The following CDK13 variants were observed in gnomAD, a reference collection of about 807,000 sequenced individuals.
The protein encoded by CDK13 is cyclin dependent kinase 13, also known as cyclin-dependent kinase 13.
A neutral mutation model predicts 137.6 loss-of-function variants in CDK13; 40 were observed. That is an observed-to-expected ratio of 0.29 (90% CI 0.23 to 0.38). The LOEUF is 0.38. Ranked by LOEUF, CDK13 falls within the 10% of genes least tolerant of loss-of-function variation. The pLI, the probability that CDK13 is intolerant of heterozygous loss-of-function variation, is 1.00. For missense variants in CDK13, 1,704 were observed against 1,951.8 expected (o/e 0.87, Z 2.39); for synonymous variants, 869 against 760.1 (o/e 1.14, Z -2.36).
chr7:39,978,475 A>T (rs1028419849), intron 1 of CDK13, among the ~76,000 whole-genome samples: 1 of 152,230 alleles, frequency 6.6e-6, no homozygotes, highest in African/African-American at 2.4e-5. Context: ...TTTGGCCGTA[A>T]CTGGAAGGAC....
intron 5 of CDK13, among the ~76,000 whole-genome samples, chr7:40,041,333 C>A (rs1051609964): frequency 7.9e-5 from 12 of 152,004 alleles, no homozygotes; most frequent in Non-Finnish European, 1.6e-4. Flanking sequence ...CTCAAAAAAA[C>A]CAACTAAACA....
chr7:39,999,477 A>G lies in CDK13; in HGVS notation c.2159A>G (p.Tyr720Cys). Residue 720 changes from tyrosine (Y) to cysteine (C), a missense_variant, in exon 4 of 14, where the codon TAC becomes TGC. Tyr to Cys is a radical substitution (Grantham distance 194). This residue lies in a region of CDK13 where 130 missense variants were observed against 362.4 expected (regional missense o/e 0.36). Coordinates refer to ENST00000181839, the MANE Select transcript of CDK13 (RefSeq NM_003718.5). ...IIGEGTYGQV[Y>C]KARDKDTGEM... ...GGAGAAGGTACTTACGGACAAGTTT[A>G]CAAAGCCAGGGATAAAGACACTGGT... The G allele has an allele frequency of 6.2e-7, 1 of 1,611,206 alleles. No homozygotes were observed. Among genetic ancestry groups the G allele is most frequent in the Non-Finnish European group, 8.5e-7 (1 of 1,178,342 alleles).
chr7:40,020,957 A>G (rs1169607810), intron 5 of CDK13, among the ~76,000 whole-genome samples: 1 of 151,958 alleles, frequency 6.6e-6, no homozygotes, highest in Non-Finnish European at 1.5e-5. Context: ...AGGGCGTGGT[A>G]GTGGGTGCCT....
intron 9 of CDK13, among the ~76,000 whole-genome samples, chr7:40,064,158 C>T (rs1453672471): frequency 2.6e-5 from 4 of 151,772 alleles, no homozygotes; most frequent in Non-Finnish European, 5.9e-5. Flanking sequence ...GTGGCCCACG[C>T]CTATAATCCC....
intron 2 of CDK13, among the ~76,000 whole-genome samples, chr7:39,992,163 G>GGGTGTGTGT (rs550297232): frequency 6.8e-6 from 1 of 146,310 alleles, no homozygotes; most frequent in South Asian, 2.2e-4. Flanking sequence ...AACTAATGAG[G>GGGTGTGTGT]GTGTGTGTGT....
chr7:40,017,543 A>G (rs1179321240), intron 5 of CDK13, among the ~76,000 whole-genome samples: 1 of 151,922 alleles, frequency 6.6e-6, no homozygotes, highest in African/African-American at 2.4e-5. Context: ...TTTTTTCCAT[A>G]ATTTTTGCCA....
At chr7:40,081,186 G>A (rs1036734905) in intron 11 of CDK13, among the ~76,000 whole-genome samples, 6 of 152,076 alleles carry the variant, frequency 3.9e-5, no homozygotes, top group Non-Finnish European at 8.8e-5. Context: ...ATCAGAATTA[G>A]ATTAAGAGTT....
At chr7:40,013,910 T>A (rs1023083327) in intron 5 of CDK13, among the ~76,000 whole-genome samples, 3 of 152,236 alleles carry the variant, frequency 2.0e-5, no homozygotes, top group African/African-American at 7.2e-5. Context: ...GTAAAGGTGC[T>A]AGACGTTTGA....
chr7:40,044,433 T>G (rs753921558), intron 5 of CDK13, among the ~76,000 whole-genome samples: 56 of 151,480 alleles, frequency 3.7e-4, no homozygotes, highest in Non-Finnish European at 6.0e-4. Context: ...ATCCTCCTAC[T>G]TCAGTCCCCC....
chr7:39,951,776 G>A lies in CDK13; in HGVS notation c.1135G>A (p.Gly379Ser). The change falls in exon 1 of 14, where the codon GGC becomes AGC. Residue 379 changes from glycine to serine, a missense_variant. Transcript: ENST00000181839. ...SYSRHSSYER[G>S]GDVSPSPYSS... ...CAGCCGCCACAGCTCCTACGAGCGG[G>A]GCGGCGACGTGTCCCCTAGTCCCTA... 6.8e-7 allele frequency: 1 copy of A among 1,478,420 alleles called. No individual in the cohort carries two copies. The highest frequency in any genetic ancestry group is 8.9e-7 in the Non-Finnish European group (1 of 1,127,074). 91.6% of individuals were successfully genotyped at this position (1,478,420 alleles called of 1,614,324 possible). A position where few individuals can be genotyped will look rare whatever the true frequency, so the allele number is the denominator to read the frequency against.
intron 9 of CDK13, among the ~76,000 whole-genome samples, chr7:40,068,857 C>G (rs961506858): frequency 2.0e-4 from 31 of 152,096 alleles, no homozygotes; most frequent in African/African-American, 7.5e-4. Context: ...CATGGACTTT[C>G]AAGAAGACTA....
chr7:40,022,382 T>G (rs984556282), intron 5 of CDK13, among the ~76,000 whole-genome samples: 13 of 152,242 alleles, frequency 8.5e-5, no homozygotes, highest in Admixed American at 5.9e-4. Context: ...TATAGGTTCC[T>G]TCTCTTCCAA....
In CDK13 at chr7:39,966,526, G is replaced by C. The variant is rs548661726; in HGVS notation, c.1211+14674G>C. 1.9e-4 allele frequency among the ~76,000 whole-genome samples: 29 copies of C among 152,082 alleles called. No homozygotes were observed. The South Asian group carries it at 6.0e-3, about 32-fold the overall frequency. ...GCCATTCATCTAATTTTTTTTCAAG[G>C]TTTTTAACTTCTTTGCCATGGGTTC... is the stretch of plus-strand genomic sequence containing the variant. On this transcript the variant is annotated intron_variant, in intron 1 of 13. Coordinates refer to ENST00000181839, the MANE Select transcript of CDK13 (RefSeq NM_003718.5).
intron 5 of CDK13, among the ~76,000 whole-genome samples, chr7:40,020,820 C>T (rs545526975): frequency 1.3e-5 from 2 of 152,258 alleles, no homozygotes; most frequent in East Asian, 1.9e-4. Context: ...GGGGTGGGCA[C>T]GGTGGCTCAC....
chr7:40,060,168 A>T (rs1011072369), intron 7 of CDK13, among the ~76,000 whole-genome samples: 5 of 152,220 alleles, frequency 3.3e-5, no homozygotes, highest in African/African-American at 1.2e-4. Context: ...AGAATTTGAT[A>T]TACAATATAT....
At chr7:39,969,771 G>A (rs1037778991) in intron 1 of CDK13, among the ~76,000 whole-genome samples, 3 of 151,760 alleles carry the variant, frequency 2.0e-5, no homozygotes, top group Non-Finnish European at 2.9e-5. Flanking sequence ...AAGTAATGTT[G>A]AGTATACTTC....
At chr7:39,954,701 G>C (rs1787353971) in intron 1 of CDK13, among the ~76,000 whole-genome samples, 1 of 152,188 alleles carries the variant, frequency 6.6e-6, no homozygotes, top group Non-Finnish European at 1.5e-5. Flanking sequence ...ACATATTAAT[G>C]AATTGTCAGC....
intron 9 of CDK13, chr7:40,073,190 C>T (rs1384897586): frequency 6.6e-6 from 1 of 152,044 alleles, no homozygotes; most frequent in Non-Finnish European, 1.5e-5. Flanking sequence ...GTAATTGCCA[C>T]ATAATGTAAC....
rs1042085628 is a variant in CDK13, at chr7:40,093,110, G to A, written c.3561G>A (p.Leu1187=). ...TGCAGAGTGCATTTGCAGTTCTGTT[G>A]ACTCAGTTAATAAAGGCTCAGCAGT... ...AAVQSAFAVL[L]TQLIKAQQSK... is the part of the protein sequence containing the mutation. Residue 1187 remains leucine (L), a synonymous_variant, in exon 13 of 14, where the codon TTG becomes TTA. Transcript: ENST00000181839. The A allele has an allele frequency of 7.4e-6, 12 of 1,614,150 alleles. No homozygotes were observed. Among genetic ancestry groups the A allele is most frequent in the Non-Finnish European group, 1.0e-5 (12 of 1,180,026 alleles).
Sources: allele counts gnomAD v4.1 joint callset (sites outside exome capture counted in the v4.1 genomes callset), GRCh38; gene constraint gnomAD v4.1.1; regional missense constraint gnomAD v4.1.1; transcripts MANE v1.5; gene names NCBI Gene and HGNC (gene_info 2026-07-23, HGNC 2026-07-21).